TRIM16: variants seen among roughly 807,000 people sequenced by gnomAD.
TRIM16 encodes the protein tripartite motif-containing protein 16.
In TRIM16, 33 loss-of-function variants were observed where a neutral mutation model predicts 50.4. The observed-to-expected ratio is 0.65, with a 90% CI of 0.50 to 0.88. TRIM16 has a LOEUF of 0.88. TRIM16 is among the 40% of genes least tolerant of loss of function. The probability of loss-of-function intolerance (pLI) is 0.00; values close to 1 mark genes in which losing one functional copy is unlikely to be tolerated. For missense variants in TRIM16, 581 were observed against 686.8 expected (o/e 0.85, Z 1.72); for synonymous variants, 229 against 270.7 (o/e 0.85, Z 1.51).
chr17:15,676,734 C>A (rs866304382), intron 6 of TRIM16, among the ~76,000 whole-genome samples: 3 of 152,242 alleles, frequency 2.0e-5, no homozygotes, highest in African/African-American at 7.2e-5. Flanking sequence ...TGCGCCTGGC[C>A]GAAACCTGAG....
At chr17:15,647,861 C>A (rs1351552802) in intron 7 of TRIM16, among the ~76,000 whole-genome samples, 2 of 142,778 alleles carry the variant, frequency 1.4e-5, no homozygotes, top group African/African-American at 5.5e-5. Context: ...AGTCTCATTT[C>A]TACATAGCAA....
chr17:15,632,752 T>G, intron 9 of TRIM16, 78 bp from the exon 10 acceptor site: 1 of 1,428,528 alleles, frequency 7.0e-7, no homozygotes, highest in South Asian at 1.6e-5. Flanking sequence ...TTAAGTCACT[T>G]TTTGCATCTG....
At chr17:15,659,766 T>A (rs1446857705) in intron 6 of TRIM16, among the ~76,000 whole-genome samples, 4 of 152,248 alleles carry the variant, frequency 2.6e-5, no homozygotes, top group African/African-American at 9.6e-5. Context: ...AATTGTTGTT[T>A]CAGCACTGCT....
chr17:15,635,070 AT>A (rs938386582), intron 9 of TRIM16, among the ~76,000 whole-genome samples: 24 of 147,382 alleles, frequency 1.6e-4, no homozygotes, highest in African/African-American at 5.5e-4. Context: ...AGGATTATGG[AT>A]TTTTTTTCTT....
chr17:15,644,672 C>T (rs1193048584), intron 7 of TRIM16, among the ~76,000 whole-genome samples: 1 of 151,708 alleles, frequency 6.6e-6, no homozygotes, highest in Non-Finnish European at 1.5e-5. Context: ...CATCCTGAGG[C>T]TCTCGGGAGC....
chr17:15,634,347 T>C lies in TRIM16; in HGVS notation c.850-1673A>G, dbSNP rs1352296538. Among the ~76,000 whole-genome samples the C allele has an allele frequency of 4.4e-5, 6 of 135,846 alleles. 1 individual carries two copies. Among genetic ancestry groups the C allele is most frequent in the Non-Finnish European group, 7.9e-5 (5 of 63,232 alleles). 89.1% of individuals were successfully genotyped at this position (135,846 alleles called of 152,430 possible). A position where few individuals can be genotyped will look rare whatever the true frequency, so the allele number is the denominator to read the frequency against. On this transcript the variant is annotated intron_variant, in intron 9 of 11. Transcript: ENST00000649191. ...TCCGTCTCGAAAAAACAAAAAAAAT[T>C]GGCCGGGCGCGGTGGCTCACTCCTG...
Position 15,678,914 on chromosome 17 carries a change from G to C in TRIM16, c.-589-1193C>G, listed in dbSNP as rs575677452. ...TTTTTTTGAGACGGAGTCTCACTCTGTTGCTGGAGTGCAGTGGCCACGATG... is the reference window on the plus strand; with the variant it reads ...TTTTTTTGAGACGGAGTCTCACTCTCTTGCTGGAGTGCAGTGGCCACGATG... On this transcript the variant is annotated intron_variant, in intron 4 of 11. Transcript: ENST00000649191. Among the ~76,000 whole-genome samples the C allele has an allele frequency of 2.5e-4, 35 of 137,612 alleles. No individual in the cohort carries two copies. The South Asian group carries it at 7.9e-3, about 31-fold the overall frequency. 90.3% of individuals were successfully genotyped at this position (137,612 alleles called of 152,430 possible).
At chr17:15,668,579 T>C (rs985199469) in intron 6 of TRIM16, among the ~76,000 whole-genome samples, 1 of 152,174 alleles carries the variant, frequency 6.6e-6, no homozygotes, top group Non-Finnish European at 1.5e-5. Flanking sequence ...GTTCCTTCCT[T>C]AGCCTCTGGC....
intron 6 of TRIM16, among the ~76,000 whole-genome samples, chr17:15,674,628 G>A (rs888038508): frequency 3.9e-5 from 6 of 152,212 alleles, no homozygotes; most frequent in South Asian, 2.1e-4. Context: ...CCCACAGATC[G>A]AATGCTCTCC....
chr17:15,662,799 C>T (rs1164657386), intron 6 of TRIM16, among the ~76,000 whole-genome samples: 6 of 152,098 alleles, frequency 3.9e-5, no homozygotes, highest in African/African-American at 4.8e-5. Context: ...TGACCCAAAC[C>T]CATACATCTG....
chr17:15,631,443 A>G (rs1210033231), intron 11 of TRIM16, among the ~76,000 whole-genome samples, 176 bp downstream of exon 11: 1 of 152,236 alleles, frequency 6.6e-6, no homozygotes, highest in Non-Finnish European at 1.5e-5. Context: ...GTTTCATATT[A>G]TTTCAAAATG....
At chr17:15,665,679 G>A (rs1988469253) in intron 6 of TRIM16, among the ~76,000 whole-genome samples, 1 of 151,610 alleles carries the variant, frequency 6.6e-6, no homozygotes, top group African/African-American at 2.4e-5. Flanking sequence ...GCCTGAAAAG[G>A]TGAGAGGCTC....
chr17:15,648,867 GA>G (rs1423444390), intron 7 of TRIM16, among the ~76,000 whole-genome samples: 1 of 152,210 alleles, frequency 6.6e-6, no homozygotes, highest in African/African-American at 2.4e-5. Flanking sequence ...CAAGGACACA[GA>G]AAGGACAAGA....
At position 15,629,160 on chromosome 17, in the gene TRIM16, T is replaced by TACAGCC. The variant is rs1986270751; in HGVS notation, c.1149_1150insGGCTGT (p.His383_Lys384insGlyCys). On this transcript the variant is annotated inframe_insertion, in exon 12 of 12. Transcript: ENST00000649191. ...TTCTCCTCCTGCAGCCGGAGATACTTGTGTGCTGTGTCCGGGTCAAACGTG... is the reference window on the plus strand; with the variant it reads ...TTCTCCTCCTGCAGCCGGAGATACTTACAGCCGTGTGCTGTGTCCGGGTCAAACGTG... The TACAGCC allele has an allele frequency of 6.2e-7, 1 of 1,612,380 alleles. No individual in the cohort carries two copies. Among genetic ancestry groups the TACAGCC allele is most frequent in the Admixed American group, 1.7e-5 (1 of 59,936 alleles).
At chr17:15,659,964 C>A (rs1988147986) in intron 6 of TRIM16, among the ~76,000 whole-genome samples, 1 of 152,336 alleles carries the variant, frequency 6.6e-6, no homozygotes, top group Admixed American at 6.5e-5. Flanking sequence ...ATGGCCAGGG[C>A]AGGGCAGGCC....
chr17:15,667,847 G>A (rs1218265148), intron 6 of TRIM16, among the ~76,000 whole-genome samples: 1 of 151,580 alleles, frequency 6.6e-6, no homozygotes, highest in Admixed American at 6.6e-5. Flanking sequence ...AACTAATATT[G>A]ATACATTATT....
rs1988928020 is a variant in TRIM16, at chr17:15,676,065, A to G, written c.-338+1111T>C. Among the ~76,000 whole-genome samples the G allele has an allele frequency of 2.0e-5, 3 of 152,018 alleles. No individual in the cohort carries two copies. In the South Asian group the frequency reaches 6.2e-4, roughly 32 times the overall value. On this transcript the variant is annotated intron_variant, in intron 6 of 11. Transcript: ENST00000649191. ...CATTTGGCATGTCGTCCTTATATTCATCTAGCCTCCAGACATTACCACTTA... is the reference window on the plus strand; with the variant it reads ...CATTTGGCATGTCGTCCTTATATTCGTCTAGCCTCCAGACATTACCACTTA...
intron 3 of TRIM16, among the ~76,000 whole-genome samples, chr17:15,681,847 C>T (rs1282005151): frequency 1.3e-5 from 2 of 152,234 alleles, no homozygotes; most frequent in East Asian, 1.9e-4. Context: ...CTTAAACCTC[C>T]TTGTGGATTT....
At chr17:15,654,959 G>A (rs563275655) in intron 6 of TRIM16, among the ~76,000 whole-genome samples, 4 of 151,530 alleles carry the variant, frequency 2.6e-5, no homozygotes, top group South Asian at 2.1e-4. Context: ...TAGCTGTCCC[G>A]TCATTGAAGT....
Sources: gnomAD v4.1 joint callset for allele counts (sites outside exome capture counted in the v4.1 genomes callset) on GRCh38, gnomAD v4.1.1 for gene constraint, MANE v1.5 for transcripts, NCBI Gene and HGNC (gene_info 2026-07-23, HGNC 2026-07-21) for gene names.